Variants in FOXN3 observed in about 807,000 individuals in gnomAD.
FOXN3 encodes forkhead box N3.
In FOXN3, 7 loss-of-function variants were observed where a neutral mutation model predicts 38.4. The observed-to-expected ratio is 0.18, with a 90% CI of 0.10 to 0.34. FOXN3 has a LOEUF of 0.34. Ranked by LOEUF, FOXN3 falls within the 10% of genes least tolerant of loss-of-function variation. The pLI is 1.00. For synonymous variants in FOXN3, 230 were observed against 242.2 expected (o/e 0.95, Z 0.47); for missense variants, 456 against 613.4 (o/e 0.74, Z 2.71).
intron 3 of FOXN3, among the ~76,000 whole-genome samples, chr14:89,294,141 G>A (rs1036027582): frequency 5.3e-5 from 8 of 152,034 alleles, no homozygotes; most frequent in Non-Finnish European, 1.2e-4. Flanking sequence ...CCCAGGCCTG[G>A]GGTCAGCTCA....
At chr14:89,478,693 A>T (rs1261760979) in intron 1 of FOXN3, among the ~76,000 whole-genome samples, 3 of 152,056 alleles carry the variant, frequency 2.0e-5, no homozygotes, top group African/African-American at 7.2e-5. Flanking sequence ...GCACTTTTGG[A>T]GGCCGAGGCA....
intron 1 of FOXN3, among the ~76,000 whole-genome samples, chr14:89,601,244 A>C (rs1171628667): frequency 1.3e-5 from 2 of 152,222 alleles, no homozygotes; most frequent in African/African-American, 2.4e-5. Context: ...CTGCATATTT[A>C]AGATGGCTTG....
intron 1 of FOXN3, among the ~76,000 whole-genome samples, chr14:89,559,786 A>C (rs1405745239): frequency 6.6e-6 from 1 of 152,210 alleles, no homozygotes; most frequent in Non-Finnish European, 1.5e-5. Context: ...GGTGTCAGGG[A>C]GTGAGTGAAG....
intron 4 of FOXN3, among the ~76,000 whole-genome samples, chr14:89,247,918 C>T (rs1334154354): frequency 2.6e-5 from 4 of 152,224 alleles, no homozygotes; most frequent in Admixed American, 6.5e-5. Flanking sequence ...GCTGTTCTTT[C>T]AACAAGCCGT....
intron 1 of FOXN3, among the ~76,000 whole-genome samples, chr14:89,508,525 C>T (rs754532420): frequency 6.6e-6 from 1 of 152,162 alleles, no homozygotes; most frequent in Non-Finnish European, 1.5e-5. Context: ...GTGGCACTCG[C>T]TCAGAAAAGC....
At chr14:89,315,361 T>C (rs951034841) in intron 3 of FOXN3, among the ~76,000 whole-genome samples, 8 of 152,112 alleles carry the variant, frequency 5.3e-5, no homozygotes, top group East Asian at 3.9e-4. Context: ...TGAAAGGATA[T>C]ACAGTGAAAA....
chr14:89,385,066 C>T (rs1016732472), intron 2 of FOXN3, among the ~76,000 whole-genome samples: 2 of 152,176 alleles, frequency 1.3e-5, no homozygotes, highest in Admixed American at 6.5e-5. Flanking sequence ...GGCTGTCAGG[C>T]ACTCAATCAC....
chr14:89,171,757 C>T (rs1446308689), intron 5 of FOXN3, among the ~76,000 whole-genome samples: 2 of 152,078 alleles, frequency 1.3e-5, no homozygotes, highest in Non-Finnish European at 2.9e-5. Context: ...AAGCATATTT[C>T]CTAAGAAACC....
At chr14:89,390,062 T>A (rs1396893665) in intron 2 of FOXN3, among the ~76,000 whole-genome samples, 3 of 151,194 alleles carry the variant, frequency 2.0e-5, no homozygotes, top group Non-Finnish European at 4.4e-5. Flanking sequence ...TTTACAAAAA[T>A]AATAATAATA....
chr14:89,431,207 G>C (rs12435832), intron 1 of FOXN3, among the ~76,000 whole-genome samples: 1 of 151,936 alleles, frequency 6.6e-6, no homozygotes, highest in Non-Finnish European at 1.5e-5. Context: ...TTGTTTGCTT[G>C]TTTCTTTGAG....
chr14:89,207,611 T>C (rs1454080142), intron 4 of FOXN3, among the ~76,000 whole-genome samples: 2 of 152,192 alleles, frequency 1.3e-5, no homozygotes, highest in Non-Finnish European at 2.9e-5. Flanking sequence ...TTGGCCAGGA[T>C]TGATGACTGC....
intron 4 of FOXN3, among the ~76,000 whole-genome samples, chr14:89,248,000 C>T (rs1359145380): frequency 6.6e-6 from 1 of 152,212 alleles, no homozygotes; most frequent in Non-Finnish European, 1.5e-5. Context: ...CACAATTGCA[C>T]CTTCTCATCA....
intron 3 of FOXN3, among the ~76,000 whole-genome samples, chr14:89,311,869 C>G (rs1887560006): frequency 6.6e-6 from 1 of 152,076 alleles, no homozygotes; most frequent in African/African-American, 2.4e-5. Context: ...ACACACCTAC[C>G]TCTGTGAAAT....
chr14:89,550,415 T>TC (rs992990420), intron 1 of FOXN3, among the ~76,000 whole-genome samples: 1 of 152,150 alleles, frequency 6.6e-6, no homozygotes, highest in African/African-American at 2.4e-5. Context: ...TGCCAGCCCT[T>TC]CCCCATTTCC....
At chr14:89,382,460 A>C (rs796672736) in intron 2 of FOXN3, among the ~76,000 whole-genome samples, 57 of 152,166 alleles carry the variant, frequency 3.7e-4, no homozygotes, top group African/African-American at 1.3e-3. Context: ...GCCTTCTCTT[A>C]TGCCAACCCA....
intron 1 of FOXN3, among the ~76,000 whole-genome samples, chr14:89,511,438 G>A (rs764840025): frequency 3.2e-4 from 48 of 151,312 alleles, no homozygotes; most frequent in Non-Finnish European, 5.0e-4. Flanking sequence ...GACTACAGGC[G>A]TGCACTACTA....
intron 4 of FOXN3, among the ~76,000 whole-genome samples, chr14:89,239,771 C>A (rs1885089889): frequency 6.6e-6 from 1 of 152,110 alleles, no homozygotes; most frequent in Non-Finnish European, 1.5e-5. Context: ...TTATTGAAAA[C>A]CAATCATGTG....
intron 4 of FOXN3, among the ~76,000 whole-genome samples, chr14:89,243,621 C>T (rs894132576): frequency 9.9e-5 from 15 of 152,192 alleles, no homozygotes; most frequent in Non-Finnish European, 1.5e-5. Context: ...CATAATAATG[C>T]TGCCCTTTCA....
At chr14:89,295,221 T>C (rs1291551270) in intron 3 of FOXN3, among the ~76,000 whole-genome samples, 1 of 152,162 alleles carries the variant, frequency 6.6e-6, no homozygotes, top group Non-Finnish European at 1.5e-5. Flanking sequence ...TATTCATCCT[T>C]TAATGTTCAA....
Sources: allele counts gnomAD v4.1 joint callset (sites outside exome capture counted in the v4.1 genomes callset), GRCh38; gene constraint gnomAD v4.1.1; transcripts MANE v1.5; gene names NCBI Gene and HGNC (gene_info 2026-07-23, HGNC 2026-07-21).